The following ZDHHC21 variants were observed in gnomAD, a reference collection of about 807,000 sequenced individuals.
ZDHHC21 encodes zDHHC palmitoyltransferase 21.
ZDHHC21 carries 15 observed loss-of-function variants against 34.6 expected under a neutral mutation model. That is an observed-to-expected ratio of 0.43 (90% confidence interval 0.29 to 0.67). The LOEUF is 0.67. Among genes scored for constraint, ZDHHC21 ranks in the 30% least tolerant of loss-of-function variants. ZDHHC21 has a pLI of 0.14. For missense variants in ZDHHC21, 344 were observed against 327.7 expected (o/e 1.05, Z -0.38); for synonymous variants, 142 against 101.8 (o/e 1.40, Z -2.38).
chr9:14,657,428 G>T (rs1408571495), intron 7 of ZDHHC21, among the ~76,000 whole-genome samples: 1 of 152,068 alleles, frequency 6.6e-6, no homozygotes, highest in Non-Finnish European at 1.5e-5. Context: ...ACTTATGCAT[G>T]TAATAAGAAA....
At chr9:14,644,630 C>T (rs1053932718) in intron 7 of ZDHHC21, among the ~76,000 whole-genome samples, 1 of 151,946 alleles carries the variant, frequency 6.6e-6, no homozygotes, top group African/African-American at 2.4e-5. Flanking sequence ...TCTTCATACA[C>T]TGAGATGCTC....
chr9:14,641,306 G>A (rs1214304720), intron 7 of ZDHHC21, among the ~76,000 whole-genome samples: 1 of 151,998 alleles, frequency 6.6e-6, no homozygotes, highest in Non-Finnish European at 1.5e-5. Context: ...TAAATATTAG[G>A]CAATCATTTC....
chr9:14,682,717 A>C lies in ZDHHC21; in HGVS notation c.-175-2555T>G, dbSNP rs1250808005. Among the ~76,000 whole-genome samples the C allele has an allele frequency of 9.9e-5, 15 of 152,212 alleles. No individual in the cohort carries two copies. The South Asian group carries it at 2.9e-3, about 29-fold the overall frequency. Reference sequence around the variant, plus strand: ...AGACATCTACAGAACTCTCCACCTCAAATCAACAGAATATACACCCTTCTC... The same window carrying C: ...AGACATCTACAGAACTCTCCACCTCCAATCAACAGAATATACACCCTTCTC... On this transcript the variant is annotated intron_variant, in intron 2 of 9. Coordinates refer to ENST00000380916, the MANE Select transcript of ZDHHC21 (RefSeq NM_178566.6).
intron 8 of ZDHHC21, chr9:14,622,719 A>G (rs1461402754): frequency 3.0e-6 from 3 of 985,000 alleles, no homozygotes; most frequent in Admixed American, 6.2e-5. Flanking sequence ...AGGAATAAAC[A>G]ATCTGTTATA....
chr9:14,686,529 A>T (rs781584089), intron 2 of ZDHHC21, among the ~76,000 whole-genome samples: 16 of 152,244 alleles, frequency 1.1e-4, no homozygotes, highest in Non-Finnish European at 2.1e-4. Flanking sequence ...TGGGGGGCAC[A>T]GAACCTGTAT....
chr9:14,628,596 G>C (rs1453332498), intron 8 of ZDHHC21, among the ~76,000 whole-genome samples: 1 of 151,980 alleles, frequency 6.6e-6, no homozygotes, highest in African/African-American at 2.4e-5. Flanking sequence ...GAAAAAGTAA[G>C]ACTGCAATGG....
At chr9:14,654,467 G>C (rs916756284) in intron 7 of ZDHHC21, among the ~76,000 whole-genome samples, 2 of 151,848 alleles carry the variant, frequency 1.3e-5, no homozygotes, top group Non-Finnish European at 2.9e-5. Flanking sequence ...CATGCAAAAT[G>C]CTCAGTATTC....
At position 14,619,289 on chromosome 9, in the gene ZDHHC21, T is replaced by A. The variant is rs188207393; in HGVS notation, c.666-191A>T. ...CTCTGGATAGCAGATATTGTATCTGTGTCGTCAATCAACCGAGCGCAACTT... is the reference window on the plus strand; with the variant it reads ...CTCTGGATAGCAGATATTGTATCTGAGTCGTCAATCAACCGAGCGCAACTT... On this transcript the variant is annotated intron_variant, in intron 9 of 9. Transcript: ENST00000380916. 2.8e-3 allele frequency among the ~76,000 whole-genome samples: 430 copies of A among 152,268 alleles called. 3 individuals are homozygous for A. Among genetic ancestry groups the A allele is most frequent in the Admixed American group, 9.7e-3 (148 of 15,278 alleles).
At chr9:14,647,969 C>G (rs1352882382) in intron 7 of ZDHHC21, among the ~76,000 whole-genome samples, 7 of 152,114 alleles carry the variant, frequency 4.6e-5, no homozygotes, top group Admixed American at 4.6e-4. Flanking sequence ...TAATTAACAT[C>G]TGTCCCTGGA....
intron 6 of ZDHHC21, 34 bp from the exon 7 acceptor site, chr9:14,658,921 T>C: frequency 6.3e-7 from 1 of 1,587,942 alleles, no homozygotes. Context: ...AACAATATTT[T>C]AAATTTCAAG....
intron 8 of ZDHHC21, among the ~76,000 whole-genome samples, chr9:14,620,854 T>C (rs535368409): frequency 1.3e-5 from 2 of 152,076 alleles, no homozygotes; most frequent in South Asian, 2.1e-4. Context: ...TAAAAAGTTA[T>C]AGATTAGCTA....
chr9:14,607,567 T>C (rs867620167), downstream of ZDHHC21, among the ~76,000 whole-genome samples: 2 of 151,730 alleles, frequency 1.3e-5, no homozygotes, highest in Admixed American at 6.6e-5. Context: ...AGTGAAGATT[T>C]TGGTAACGGC....
intron 5 of ZDHHC21, among the ~76,000 whole-genome samples, chr9:14,667,140 A>C: frequency 7.8e-6 from 1 of 128,302 alleles, no homozygotes. Flanking sequence ...AGAATCAAAT[A>C]GATGCAATAA....
chr9:14,605,554 T>C, the ZDHHC21 span, among the ~76,000 whole-genome samples: 1 of 149,392 alleles, frequency 6.7e-6, no homozygotes, highest in Non-Finnish European at 1.5e-5. Context: ...TTTTCTTCTA[T>C]TAAGTTGTAG....
At chr9:14,604,972 C>T in the ZDHHC21 span, among the ~76,000 whole-genome samples, 1 of 152,158 alleles carries the variant, frequency 6.6e-6, no homozygotes, top group Non-Finnish European at 1.5e-5. Context: ...ATTTGTCCTT[C>T]TGTGGCTGGC....
At chr9:14,647,807 A>G (rs1830530356) in intron 7 of ZDHHC21, among the ~76,000 whole-genome samples, 1 of 152,094 alleles carries the variant, frequency 6.6e-6, no homozygotes, top group Admixed American at 6.6e-5. Flanking sequence ...TTTGGTCTTC[A>G]GAACTCTTTT....
chr9:14,625,762 G>T (rs575872962), intron 8 of ZDHHC21, among the ~76,000 whole-genome samples: 19 of 151,870 alleles, frequency 1.3e-4, no homozygotes, highest in African/African-American at 4.3e-4. Flanking sequence ...TAAAATAATA[G>T]GGACTACAAG....
At chr9:14,682,702 A>G (rs1352427361) in intron 2 of ZDHHC21, among the ~76,000 whole-genome samples, 2 of 152,218 alleles carry the variant, frequency 1.3e-5, no homozygotes, top group Non-Finnish European at 2.9e-5. Context: ...AGACATCTAC[A>G]GAACTCTCCA....
the ZDHHC21 span, among the ~76,000 whole-genome samples, chr9:14,603,182 G>C: frequency 4.6e-5 from 7 of 151,956 alleles, no homozygotes; most frequent in African/African-American, 7.3e-5. Context: ...AATACATTTT[G>C]TTGTGTTTAA....
Sources: allele counts gnomAD v4.1 joint callset (sites outside exome capture counted in the v4.1 genomes callset), GRCh38; gene constraint gnomAD v4.1.1; transcripts MANE v1.5; gene names NCBI Gene and HGNC (gene_info 2026-07-23, HGNC 2026-07-21).